The following RTN3 variants were observed in gnomAD, a reference collection of about 807,000 sequenced individuals.
RTN3 encodes the protein reticulon 3, also known as reticulon-3.
In RTN3, 49 loss-of-function variants were observed where a neutral mutation model predicts 77.8. The ratio of observed to expected loss-of-function variants is 0.63; its 90% CI spans 0.50 to 0.80. RTN3 has a LOEUF of 0.80. Among genes scored for constraint, RTN3 ranks in the 30% least tolerant of loss-of-function variants. The probability of loss-of-function intolerance (pLI) is 0.00; values close to 1 mark genes in which losing one functional copy is unlikely to be tolerated. For synonymous variants in RTN3, 464 were observed against 446.9 expected, an observed-to-expected ratio of 1.04 and a Z score of -0.48; for missense variants, 1,236 against 1,211.9, an observed-to-expected ratio of 1.02 and a Z score of -0.29.
chr11:63,717,269 CAG>C (rs1257167439), intron 2 of RTN3, among the ~76,000 whole-genome samples: 3 of 151,214 alleles, frequency 2.0e-5, no homozygotes, highest in African/African-American at 7.3e-5. Context: ...AGTTAGAAAA[CAG>C]TGTGGTAGAT....
intron 1 of RTN3, among the ~76,000 whole-genome samples, chr11:63,687,189 G>C (rs1042211071): frequency 2.0e-5 from 3 of 152,202 alleles, no homozygotes; most frequent in Non-Finnish European, 2.9e-5. Context: ...ACAGACTTGA[G>C]CTCCAGGAAT....
intron 2 of RTN3, among the ~76,000 whole-genome samples, chr11:63,709,845 A>G (rs2134756019): frequency 6.6e-6 from 1 of 152,332 alleles, no homozygotes; most frequent in East Asian, 1.9e-4. Flanking sequence ...AGTGGCTACT[A>G]CAGGCTGGCA....
chr11:63,715,109 T>G (rs1279824023), intron 2 of RTN3, among the ~76,000 whole-genome samples: 1 of 152,222 alleles, frequency 6.6e-6, no homozygotes, highest in Non-Finnish European at 1.5e-5. Context: ...AATCAGGCAC[T>G]GTCACCACTG....
chr11:63,740,369 C>T (rs1031039233), intron 3 of RTN3, among the ~76,000 whole-genome samples: 1 of 151,712 alleles, frequency 6.6e-6, no homozygotes, highest in African/African-American at 2.4e-5. Flanking sequence ...GCAGCCTTCA[C>T]TCCCCAGGTT....
intron 3 of RTN3, among the ~76,000 whole-genome samples, chr11:63,734,782 C>CACACACACACACACA (rs2012971744): frequency 9.5e-6 from 1 of 105,468 alleles, no homozygotes; most frequent in African/African-American, 3.1e-5. Flanking sequence ...CACACACACA[C>CACACACACACACACA]CATACTGGAG....
At chr11:63,729,340 T>C (rs10897445) in intron 3 of RTN3, among the ~76,000 whole-genome samples, 42,765 of 151,748 alleles carry the variant, frequency 0.28, 8,040 homozygotes, top group East Asian at 0.79. Flanking sequence ...AAGCAAAAAT[T>C]GTAATAACGT....
chr11:63,684,129 G>GTTTTTTTTTT (rs61663789), intron 1 of RTN3, among the ~76,000 whole-genome samples: 14 of 85,246 alleles, frequency 1.6e-4, no homozygotes, highest in Non-Finnish European at 1.8e-4. Flanking sequence ...TTTTCTTTTG[G>GTTTTTTTTTT]TTTTTTTTTT....
chr11:63,749,670 G>A (rs1265749855), intron 3 of RTN3, among the ~76,000 whole-genome samples: 1 of 152,110 alleles, frequency 6.6e-6, no homozygotes, highest in Non-Finnish European at 1.5e-5. Context: ...AATCGGTGTA[G>A]CAGAAGAACG....
chr11:63,720,495 G>A lies in RTN3; in HGVS notation c.1993G>A (p.Gly665Arg), dbSNP rs201582430. 1.3e-5 allele frequency: 21 copies of A among 1,613,584 alleles called. No individual in the cohort carries two copies. The Admixed American group carries it at 3.0e-4, about 23-fold the overall frequency. Residue 665 changes from glycine to arginine, a missense_variant, in exon 3 of 9, where the codon GGA becomes AGA. By Grantham distance (125) the Gly-to-Arg change is moderately radical. Coordinates refer to ENST00000377819, the MANE Select transcript of RTN3 (RefSeq NM_001265589.2). ...IAAFTETRDK[G>R]IVDSERNAFK... ...AGCCTTTACAGAAACCAGAGATAAA[G>A]GAATAGTAGATAGTGAAAGAAATGC...
intron 1 of RTN3, among the ~76,000 whole-genome samples, chr11:63,692,807 A>G (rs983107426): frequency 2.6e-5 from 4 of 151,872 alleles, no homozygotes; most frequent in African/African-American, 9.7e-5. Flanking sequence ...TTTATAGACC[A>G]CTTTGGTTTT....
chr11:63,719,653 A>T lies in RTN3; in HGVS notation c.1151A>T (p.His384Leu). The T allele has an allele frequency of 6.2e-7, 1 of 1,614,020 alleles. No homozygotes were observed. The change falls in exon 3 of 9, where the codon CAT becomes CTT. Residue 384 changes from histidine to leucine, a missense_variant. His to Leu is a moderately conservative substitution (Grantham distance 99, BLOSUM62 -3). Around this residue, in one of 3 missense-constraint regions of RTN3, gnomAD observed 1,056 missense variants for 990.4 expected, o/e 1.07. Transcript: ENST00000377819. ...GTTGTAAATCTTAAAACTAGCACTC[A>T]TCAGAAAACTCCTGTATGTTCTATT... Reference protein sequence around the residue: ...IPVVNLKTSTHQKTPVCSIDG... With the variant: ...IPVVNLKTSTLQKTPVCSIDG...
chr11:63,685,099 G>T (rs1941297053), intron 1 of RTN3, among the ~76,000 whole-genome samples: 1 of 152,112 alleles, frequency 6.6e-6, no homozygotes, highest in South Asian at 2.1e-4. Flanking sequence ...TTGCAAATGT[G>T]CATTCATATT....
At chr11:63,744,794 C>T (rs1444970757) in intron 3 of RTN3, among the ~76,000 whole-genome samples, 2 of 152,132 alleles carry the variant, frequency 1.3e-5, no homozygotes, top group Non-Finnish European at 2.9e-5. Context: ...GAGTTTGAGA[C>T]CAACATGGGC....
intron 3 of RTN3, among the ~76,000 whole-genome samples, chr11:63,722,018 A>G (rs2011853038): frequency 6.6e-6 from 1 of 152,078 alleles, no homozygotes; most frequent in South Asian, 2.1e-4. Context: ...CTTGTCTTTT[A>G]TCTATTTCAA....
intron 7 of RTN3, among the ~76,000 whole-genome samples, chr11:63,755,775 C>T (rs1280598487): frequency 2.0e-5 from 3 of 149,638 alleles, no homozygotes; most frequent in East Asian, 2.0e-4. Context: ...CTGGCTAACA[C>T]GGTGAAACCC....
At chr11:63,706,038 A>G (rs987337809) in intron 2 of RTN3, among the ~76,000 whole-genome samples, 1 of 152,240 alleles carries the variant, frequency 6.6e-6, no homozygotes, top group East Asian at 1.9e-4. Context: ...TTGTGCAAAC[A>G]GTTTGTTGTT....
chr11:63,757,760 C>G (rs2014458833), intron 8 of RTN3, among the ~76,000 whole-genome samples: 1 of 149,372 alleles, frequency 6.7e-6, no homozygotes, highest in Non-Finnish European at 1.5e-5. Flanking sequence ...CTCGCTGTCA[C>G]CCAGGCTGGA....
chr11:63,698,164 C>T (rs913181756), intron 1 of RTN3, among the ~76,000 whole-genome samples: 1 of 151,346 alleles, frequency 6.6e-6, no homozygotes, highest in Admixed American at 6.6e-5. Context: ...CAGTGTCTCA[C>T]TCTTGCCCAG....
rs2014014373 is a variant in RTN3, at chr11:63,749,974, C to T, written c.2531-17C>T. 6.3e-7 allele frequency: 1 copy of T among 1,592,280 alleles called. No individual in the cohort carries two copies. The highest frequency in any genetic ancestry group is 1.3e-5 in the African/African-American group (1 of 74,456). On this transcript the variant is annotated splice_polypyrimidine_tract_variant and intron_variant, in intron 3 of 8. Transcript: ENST00000377819. ...GTGGATGTTTCTTATAACTTATATTCCCTTTTCTTTTGTCAGTGCACGATC... is the reference window on the plus strand; with the variant it reads ...GTGGATGTTTCTTATAACTTATATTTCCTTTTCTTTTGTCAGTGCACGATC...
Sources: gnomAD v4.1 joint callset for allele counts (sites outside exome capture counted in the v4.1 genomes callset) on GRCh38, gnomAD v4.1.1 for gene constraint, gnomAD v4.1.1 regional missense constraint, MANE v1.5 for transcripts, NCBI Gene and HGNC (gene_info 2026-07-23, HGNC 2026-07-21) for gene names.